The following RIMS4 variants were observed in gnomAD, a reference collection of about 807,000 sequenced individuals.
RIMS4 encodes the protein regulating synaptic membrane exocytosis 4.
RIMS4 carries 9 observed loss-of-function variants against 29.0 expected under a neutral mutation model. That is an observed-to-expected ratio of 0.31 (90% CI 0.19 to 0.54). The LOEUF (loss-of-function observed/expected upper bound fraction) is 0.54, where lower values mean the gene tolerates loss of function less well. RIMS4 is among the 20% of genes least tolerant of loss of function. The pLI, the probability that RIMS4 is intolerant of heterozygous loss-of-function variation, is 0.94. For synonymous variants in RIMS4, 130 were observed against 152.9 expected (o/e 0.85, Z 1.10); for missense variants, 193 against 365.7 (o/e 0.53, Z 3.85).
Position 44,769,083 on chromosome 20 carries a change from T to C in RIMS4, c.236+2192A>G, listed in dbSNP as rs374093782. On this transcript the variant is annotated intron_variant, in intron 2 of 5. Transcript: ENST00000372851. The stretch of plus-strand genomic sequence containing the variant: ...CAAAGCCACACAGCTACTAAGAAGC[T>C]GAAATGAACCACATACCAGGGCAGT... Among the ~76,000 whole-genome samples, 7 of 152,310 alleles carry C rather than the reference T, an allele frequency of 4.6e-5. No individual in the cohort carries two copies. In the South Asian group the frequency reaches 1.2e-3, roughly 27 times the overall value.
chr20:44,773,917 A>T (rs1035588948), intron 1 of RIMS4, among the ~76,000 whole-genome samples: 1 of 152,140 alleles, frequency 6.6e-6, no homozygotes, highest in Non-Finnish European at 1.5e-5. Context: ...GGCACAAAGT[A>T]GGTGCCAAAC....
intron 1 of RIMS4, among the ~76,000 whole-genome samples, chr20:44,795,105 C>T (rs551501544): frequency 6.6e-6 from 1 of 152,326 alleles, no homozygotes; most frequent in South Asian, 2.1e-4. Context: ...GCCTCAGGGC[C>T]CCTGCACAAC....
At chr20:44,802,761 C>T (rs1388294981) in intron 1 of RIMS4, among the ~76,000 whole-genome samples, 2 of 152,186 alleles carry the variant, frequency 1.3e-5, no homozygotes, top group Non-Finnish European at 2.9e-5. Context: ...GACCTCAGTT[C>T]CCGCACCAGA....
chr20:44,807,664 C>T (rs895226666), intron 1 of RIMS4, among the ~76,000 whole-genome samples: 1 of 152,150 alleles, frequency 6.6e-6, no homozygotes, highest in Non-Finnish European at 1.5e-5. Flanking sequence ...CAGTTCAGTG[C>T]AGTGCTGTTC....
intron 1 of RIMS4, among the ~76,000 whole-genome samples, chr20:44,784,094 G>T (rs1370139586): frequency 2.6e-5 from 4 of 152,180 alleles, no homozygotes; most frequent in Admixed American, 6.5e-5. Flanking sequence ...CACAGGCAGG[G>T]AGGCTCCCCC....
At position 44,756,359 on chromosome 20, in the gene RIMS4, G is replaced by A. The variant is rs1390023981; in HGVS notation, c.592-7C>T. 6.2e-7 allele frequency: 1 copy of A among 1,611,836 alleles called. No individual in the cohort carries two copies. The highest frequency in any genetic ancestry group is 1.1e-5 in the South Asian group (1 of 90,788). The stretch of plus-strand genomic sequence containing the variant: ...AGTTCCCCCACACGATCACCTGTGG[G>A]GCAAGAGACACAGTGGTTCAAATCC... On this transcript the variant is annotated splice_polypyrimidine_tract_variant and splice_region_variant and intron_variant, in intron 5 of 5. Transcript: ENST00000372851. This position sits in a 1 kb window ranked among gnomAD's most constrained non-coding sequence, Gnocchi z 5.9.
chr20:44,809,874 G>GC (rs1192930218), intron 1 of RIMS4, among the ~76,000 whole-genome samples: 2 of 152,056 alleles, frequency 1.3e-5, no homozygotes, highest in African/African-American at 4.8e-5. Context: ...TGGCAGGTCG[G>GC]CTCCAGGGAC....
chr20:44,764,257 C>CCATCCATCCATCCAT (rs1229010906), intron 2 of RIMS4, among the ~76,000 whole-genome samples: 23 of 50,746 alleles, frequency 4.5e-4, no homozygotes, highest in African/African-American at 1.2e-3. Flanking sequence ...CATCCATCCT[C>CCATCCATCCATCCAT]CCACAAACTC....
chr20:44,790,044 C>A (rs576426047), intron 1 of RIMS4, among the ~76,000 whole-genome samples: 23 of 152,388 alleles, frequency 1.5e-4, no homozygotes, highest in African/African-American at 5.5e-4. Flanking sequence ...AGGTGGGACA[C>A]TGGATCAGCA....
chr20:44,776,198 G>A (rs1014675711), intron 1 of RIMS4, among the ~76,000 whole-genome samples: 10 of 152,180 alleles, frequency 6.6e-5, no homozygotes, highest in African/African-American at 1.4e-4. Flanking sequence ...TAGGAGGATC[G>A]CTTGAGCTTG....
intron 4 of RIMS4, 99 bp downstream of exon 4, chr20:44,757,571 C>A: frequency 2.1e-6 from 2 of 960,874 alleles, no homozygotes; most frequent in South Asian, 2.7e-5. Context: ...GGGGTCCCCA[C>A]AGTTGGGCCC....
chr20:44,810,516 T>TGGCGGC lies in RIMS4; in HGVS notation c.-251_-246dup, dbSNP rs1223557917. 5.8e-5 allele frequency among the ~76,000 whole-genome samples: 8 copies of TGGCGGC among 137,552 alleles called. No individual in the cohort carries two copies. The highest frequency in any genetic ancestry group is 6.3e-5 in the Non-Finnish European group (4 of 63,462). The allele number at this position is 137,552 out of a possible 152,430, so 90.2% of individuals were successfully genotyped here. ...CTGGCGGCGGCGGCGGCGGCGGCGG[T>TGGCGGC]GGCGGCGGCGGTGGCGGCGCAGCGC... On this transcript the variant is annotated 5_prime_UTR_variant, in exon 1 of 6. Coordinates refer to ENST00000372851, the MANE Select transcript of RIMS4 (RefSeq NM_182970.4).
At chr20:44,793,486 G>A (rs1379973373) in intron 1 of RIMS4, among the ~76,000 whole-genome samples, 4 of 152,020 alleles carry the variant, frequency 2.6e-5, no homozygotes, top group South Asian at 2.1e-4. Context: ...CATCTGTGCC[G>A]GCTGTCGCCT....
At chr20:44,765,007 C>A (rs1424879993) in intron 2 of RIMS4, among the ~76,000 whole-genome samples, 1 of 152,158 alleles carries the variant, frequency 6.6e-6, no homozygotes, top group Non-Finnish European at 1.5e-5. Flanking sequence ...GAGCCAAGCA[C>A]TGATAGTACT....
At chr20:44,768,243 G>T (rs904152560) in intron 2 of RIMS4, among the ~76,000 whole-genome samples, 1 of 152,208 alleles carries the variant, frequency 6.6e-6, no homozygotes, top group South Asian at 2.1e-4. Flanking sequence ...TATCTGAGGT[G>T]CCTGACCCAA....
chr20:44,793,607 G>T (rs1173536394), intron 1 of RIMS4, among the ~76,000 whole-genome samples: 1 of 152,216 alleles, frequency 6.6e-6, no homozygotes, highest in Non-Finnish European at 1.5e-5. Context: ...AGCTGACTCA[G>T]GGCCATTTGG....
intron 1 of RIMS4, among the ~76,000 whole-genome samples, chr20:44,776,535 G>C (rs1428407921): frequency 6.6e-6 from 1 of 152,084 alleles, no homozygotes; most frequent in Non-Finnish European, 1.5e-5. Context: ...ATCCTCCAGA[G>C]TTTAGCTTTA....
Position 44,810,505 on chromosome 20 carries a change from G to A in RIMS4, c.-234C>T, listed in dbSNP as rs2066320731. The stretch of plus-strand genomic sequence containing the variant: ...GCGCTGTGCTGCTGGCGGCGGCGGC[G>A]GCGGCGGCGGTGGCGGCGGCGGTGG... On this transcript the variant is annotated 5_prime_UTR_variant, in exon 1 of 6. Coordinates refer to ENST00000372851, the MANE Select transcript of RIMS4 (RefSeq NM_182970.4). 7.1e-6 allele frequency among the ~76,000 whole-genome samples: 1 copy of A among 140,260 alleles called. No homozygotes were observed. Among genetic ancestry groups the A allele is most frequent in the Non-Finnish European group, 1.6e-5 (1 of 63,556 alleles). 92.0% of individuals were successfully genotyped at this position (140,260 alleles called of 152,430 possible). A position where few individuals can be genotyped will look rare whatever the true frequency, so the allele number is the denominator to read the frequency against.
intron 1 of RIMS4, among the ~76,000 whole-genome samples, chr20:44,787,587 C>A (rs1187378448): frequency 6.6e-6 from 1 of 151,992 alleles, no homozygotes; most frequent in East Asian, 1.9e-4. Flanking sequence ...GTTCCACATG[C>A]ACCATGAACA....
Sources: allele counts gnomAD v4.1 joint callset (sites outside exome capture counted in the v4.1 genomes callset), GRCh38; gene constraint gnomAD v4.1.1; non-coding constraint Gnocchi (gnomAD v3.1); transcripts MANE v1.5; gene names NCBI Gene and HGNC (gene_info 2026-07-23, HGNC 2026-07-21).